SH3D21: variants seen among roughly 807,000 people sequenced by gnomAD.
SH3D21 encodes manchette microtubule inner protein 1, also known as SH3 domain-containing protein 21.
A neutral mutation model predicts 82.1 loss-of-function variants in SH3D21; 83 were observed. That is an observed-to-expected ratio of 1.01 (90% CI 0.85 to 1.21). SH3D21 has a LOEUF of 1.21. Among genes scored for constraint, SH3D21 ranks in the 50% most tolerant of loss-of-function variants. The pLI is 0.00. For synonymous variants in SH3D21, 383 were observed against 387.8 expected (o/e 0.99, Z 0.15); for missense variants, 980 against 962.1 (o/e 1.02, Z -0.25).
In SH3D21 at chr1:36,307,016, C is replaced by T. The variant is rs1570368882; in HGVS notation, c.226+111C>T. The T allele has an allele frequency of 1.4e-6, 2 of 1,423,038 alleles. No homozygotes were observed. Among genetic ancestry groups the T allele is most frequent in the South Asian group, 1.5e-5 (1 of 67,260 alleles). The allele number at this position is 1,423,038 out of a possible 1,614,324, so 88.2% of individuals were successfully genotyped here. A position where few individuals can be genotyped will look rare whatever the true frequency, so the allele number is the denominator to read the frequency against. ...GCGGCTCTGGGCGGGACCTCGGGGC[C>T]GCCCTGCGGTCTGTGATTGGTTCTC... On this transcript the variant is annotated intron_variant, in intron 3 of 15. Coordinates refer to ENST00000453908, the MANE Select transcript of SH3D21 (RefSeq NM_001162530.2). This position sits in a 1 kb window ranked among gnomAD's most constrained non-coding sequence, Gnocchi z 5.4.
chr1:36,307,763 C>T lies in SH3D21; in HGVS notation c.437-7C>T. 1 of 1,551,664 alleles carries T rather than the reference C, an allele frequency of 6.4e-7. No homozygotes were observed. Among genetic ancestry groups the T allele is most frequent in the Non-Finnish European group, 8.7e-7 (1 of 1,146,926 alleles). On this transcript the variant is annotated splice_region_variant and splice_polypyrimidine_tract_variant and intron_variant, in intron 5 of 15. Coordinates refer to ENST00000453908, the MANE Select transcript of SH3D21 (RefSeq NM_001162530.2). The surrounding 1 kb of genome is among the most constrained non-coding windows in gnomAD (Gnocchi z 5.4). ...GCACCCTCCCTAACCTCACTGTCCC[C>T]CACTAGGCCTTGGTAACCCAGACAT... is the stretch of plus-strand genomic sequence containing the variant.
intron 10 of SH3D21, among the ~76,000 whole-genome samples, chr1:36,309,950 TATC>T (rs1646204947): frequency 1.3e-5 from 2 of 152,004 alleles, no homozygotes; most frequent in Non-Finnish European, 2.9e-5. Context: ...TCTTTTTATT[TATC>T]TTTTTTTATT....
In SH3D21 at chr1:36,320,502, AGAG is replaced by A. The variant is rs1283630904; in HGVS notation, c.1844_1846del (p.Glu615del). ...CCCCCAACGAGCAGAGGCCTCTGAG[AGAG>A]GAGGTGCTCCCCAAAGAGGGAGTGG... On this transcript the variant is annotated inframe_deletion, in exon 14 of 16. Transcript: ENST00000453908. The A allele has an allele frequency of 1.9e-6, 3 of 1,614,114 alleles. No individual in the cohort carries two copies. Among genetic ancestry groups the A allele is most frequent in the Non-Finnish European group, 2.5e-6 (3 of 1,180,012 alleles).
At chr1:36,327,835 T>C (rs1446841467), downstream of SH3D21, 11 of 1,288,552 alleles carry the variant, frequency 8.5e-6, no homozygotes, top group East Asian at 5.6e-4. Flanking sequence ...CTTTGGCCAA[T>C]GTGGCTGTCC....
At chr1:36,325,345 A>T (rs1245571206), downstream of SH3D21, among the ~76,000 whole-genome samples, 1 of 152,162 alleles carries the variant, frequency 6.6e-6, no homozygotes, top group Non-Finnish European at 1.5e-5. Flanking sequence ...GTGTATTTTC[A>T]TAGCGGTTAC....
downstream of SH3D21, among the ~76,000 whole-genome samples, chr1:36,326,913 A>G: frequency 6.6e-6 from 1 of 152,232 alleles, no homozygotes; most frequent in East Asian, 1.9e-4. Context: ...TGAAATGTCC[A>G]TTAGATATCC....
chr1:36,321,151 G>A lies in SH3D21; in HGVS notation c.*24G>A. On this transcript the variant is annotated 3_prime_UTR_variant, in exon 16 of 16. Coordinates refer to ENST00000453908, the MANE Select transcript of SH3D21 (RefSeq NM_001162530.2). This position sits in a 1 kb window ranked among gnomAD's most constrained non-coding sequence, Gnocchi z 6.1. The stretch of plus-strand genomic sequence containing the variant: ...GAGGGTGGGCCTGGGAAGGGACCGC[G>A]GCCTGACCTGGCTGGGGCCACCCAC... 1.2e-6 allele frequency: 2 copies of A among 1,604,442 alleles called. No homozygotes were observed. The highest frequency in any genetic ancestry group is 1.7e-6 in the Non-Finnish European group (2 of 1,175,976).
downstream of SH3D21, chr1:36,322,319 GGT>G: frequency 6.4e-6 from 10 of 1,556,350 alleles, no homozygotes; most frequent in Non-Finnish European, 8.6e-6. Context: ...TGCGGCCCAG[GGT>G]GCCCGTGGCC....
At chr1:36,328,119 T>A (rs1243346446), downstream of SH3D21, 1 of 457,202 alleles carries the variant, frequency 2.2e-6, no homozygotes, top group Non-Finnish European at 4.4e-6. Context: ...GACTAGAGAT[T>A]TGTCACCTTG....
chr1:36,318,986 C>A, intron 10 of SH3D21, 85 bp from the exon 11 acceptor site: 1 of 755,010 alleles, frequency 1.3e-6, no homozygotes, highest in Non-Finnish European at 2.3e-6. Flanking sequence ...ACAAGATTAA[C>A]CTCCTGCCCA....
At chr1:36,323,343 G>A (rs1134720), downstream of SH3D21, 2,687 of 348,184 alleles carry the variant, frequency 7.7e-3, 67 homozygotes, top group African/African-American at 0.053. Flanking sequence ...GGGGCGGGAT[G>A]GAGGATAGGG....
chr1:36,307,256 G>A lies in SH3D21; in HGVS notation c.316G>A (p.Ala106Thr). Residue 106 changes from alanine (A) to threonine (T), a missense_variant, in exon 4 of 16, where the codon GCT (alanine) becomes ACT (threonine). Transcript: ENST00000453908. This position sits in a 1 kb window ranked among gnomAD's most constrained non-coding sequence, Gnocchi z 5.4. ...GCAGGCGGACGAGCTGAAGCTGCAA[G>A]CTGGGGAGATCGTGGAAATGATAAA... is the stretch of plus-strand genomic sequence containing the variant. ...PEQADELKLQ[A>T]GEIVEMIKEI... 6.4e-7 allele frequency: 1 copy of A among 1,551,852 alleles called. No individual in the cohort carries two copies. The highest frequency in any genetic ancestry group is 8.7e-7 in the Non-Finnish European group (1 of 1,147,034).
At chr1:36,325,819 C>G (rs186182366), downstream of SH3D21, among the ~76,000 whole-genome samples, 1,501 of 152,328 alleles carry the variant, frequency 9.9e-3, 18 homozygotes, top group African/African-American at 0.034. Flanking sequence ...GCAGGGATTA[C>G]GGGCGTGAGC....
downstream of SH3D21, among the ~76,000 whole-genome samples, chr1:36,325,608 G>A (rs1202521847): frequency 8.6e-5 from 13 of 152,044 alleles, no homozygotes; most frequent in African/African-American, 1.2e-4. Context: ...GCAGTGGCGC[G>A]ATCTCGGCTC....
intron 9 of SH3D21, 23 bp downstream of exon 9, chr1:36,308,498 C>G (rs1646176158): frequency 6.5e-7 from 1 of 1,545,936 alleles, no homozygotes; most frequent in African/African-American, 1.4e-5. Context: ...CCAAGACACT[C>G]AGGTGGCAGG....
At chr1:36,308,069 A>T (rs1454262858) in intron 7 of SH3D21, 40 bp from the exon 8 acceptor site, 7 of 1,545,518 alleles carry the variant, frequency 4.5e-6, no homozygotes, top group Non-Finnish European at 6.1e-6. Flanking sequence ...TGGATGGGGG[A>T]GGCTTGGCTT....
Position 36,307,330 on chromosome 1 carries a change from C to T in SH3D21, c.345+45C>T. On this transcript the variant is annotated intron_variant, in intron 4 of 15. Coordinates refer to ENST00000453908, the MANE Select transcript of SH3D21 (RefSeq NM_001162530.2). This position sits in a 1 kb window ranked among gnomAD's most constrained non-coding sequence, Gnocchi z 5.4. ...GACCGTTTGGGGGAGGATGATGGAACGCGCCTCCCTAGTGAGCGGGGTGGG... is the reference window on the plus strand; with the variant it reads ...GACCGTTTGGGGGAGGATGATGGAATGCGCCTCCCTAGTGAGCGGGGTGGG... 13 of 1,546,186 alleles carry T rather than the reference C, an allele frequency of 8.4e-6. No homozygotes were observed. The highest frequency in any genetic ancestry group is 8.8e-6 in the Non-Finnish European group (10 of 1,142,450).
At chr1:36,322,287 G>A (rs58971913), downstream of SH3D21, 531,842 of 1,495,620 alleles carry the variant, frequency 0.36, 100,331 homozygotes, top group South Asian at 0.39. Context: ...AGCGGGAGCC[G>A]GGGCCCATCA....
Position 36,320,526 on chromosome 1 carries a change from A to G in SH3D21, c.1863A>G (p.Gly621=), listed in dbSNP as rs1367322366. 6.2e-7 allele frequency: 1 copy of G among 1,614,128 alleles called. No individual in the cohort carries two copies. The highest frequency in any genetic ancestry group is 1.7e-5 in the Admixed American group (1 of 60,018). ...PLREEVLPKE[G]VASKEEVTLK... is the part of the protein sequence containing the mutation. ...GAGAGGAGGTGCTCCCCAAAGAGGG[A>G]GTGGCTTCCAAAGAGGAGGTGACCC... is the stretch of plus-strand genomic sequence containing the variant. The change falls in exon 14 of 16, where the codon GGA becomes GGG. Residue 621 remains glycine (G), a synonymous_variant. Transcript: ENST00000453908.
Sources: gnomAD v4.1 joint callset for allele counts (sites outside exome capture counted in the v4.1 genomes callset) on GRCh38, gnomAD v4.1.1 for gene constraint, Gnocchi (gnomAD v3.1) non-coding constraint, MANE v1.5 for transcripts, NCBI Gene and HGNC (gene_info 2026-07-23, HGNC 2026-07-21) for gene names.